The following TTC27 variants were observed in gnomAD, a reference collection of about 807,000 sequenced individuals.
The protein encoded by TTC27 is tetratricopeptide repeat protein 27.
TTC27 carries 79 observed loss-of-function variants against 115.9 expected under a neutral mutation model. That is an observed-to-expected ratio of 0.68 (90% confidence interval 0.57 to 0.82). TTC27 has a LOEUF of 0.82. Ranked by LOEUF, TTC27 falls within the 40% of genes least tolerant of loss-of-function variation. TTC27 has a pLI of 0.00. For missense variants in TTC27, 1,054 were observed against 993.1 expected (o/e 1.06, Z -0.82); for synonymous variants, 401 against 356.0 (o/e 1.13, Z -1.42).
In TTC27 at chr2:32,704,777, C is replaced by G. The variant is rs183116871; in HGVS notation, c.1233+1857C>G. 797 of 443,866 alleles carry G rather than the reference C, an allele frequency of 1.8e-3. 9 individuals are homozygous for G. The Admixed American group carries it at 0.02, about 11-fold the overall frequency. The allele number at this position is 443,866 out of a possible 1,614,324, so 27.5% of individuals were successfully genotyped here. ...AGACTGCCCTTCAGTTTGAGTTTGT[C>G]TGATGTTTCCTCATGATTTGATTCA... On this transcript the variant is annotated intron_variant, in intron 10 of 19. Transcript: ENST00000317907.
rs773955652 is a variant in TTC27, at chr2:32,812,572, A to G, written c.2265A>G (p.Thr755=). The change falls in exon 18 of 20, where the codon ACA becomes ACG. Residue 755 remains threonine (T), a synonymous_variant. Transcript: ENST00000317907. ...TQSNCWEKDI[T]SFKEVVQRAL... ...CCAATTGTTGGGAGAAAGATATTACATCATTTAAGGAAGTTGTTCAAAGAG... is the reference window on the plus strand; with the variant it reads ...CCAATTGTTGGGAGAAAGATATTACGTCATTTAAGGAAGTTGTTCAAAGAG... 1.2e-6 allele frequency: 2 copies of G among 1,614,136 alleles called. No homozygotes were observed. Among genetic ancestry groups the G allele is most frequent in the Non-Finnish European group, 1.7e-6 (2 of 1,179,972 alleles).
At chr2:32,812,370 T>C (rs936676170) in intron 17 of TTC27, 134 bp from the exon 18 acceptor site, 13 of 614,066 alleles carry the variant, frequency 2.1e-5, no homozygotes, top group Non-Finnish European at 3.7e-5. Context: ...TTGGTGAGAG[T>C]AATAGACGCT....
chr2:32,711,555 A>G (rs1285551057), intron 10 of TTC27, among the ~76,000 whole-genome samples: 1 of 152,252 alleles, frequency 6.6e-6, no homozygotes, highest in East Asian at 1.9e-4. Context: ...GTATATATTA[A>G]GACAGTGTTG....
At chr2:32,766,947 G>A (rs893139721) in intron 13 of TTC27, among the ~76,000 whole-genome samples, 3 of 151,976 alleles carry the variant, frequency 2.0e-5, no homozygotes, top group African/African-American at 4.8e-5. Context: ...CACCACGACC[G>A]GCTAATTTTT....
At chr2:32,670,107 A>T (rs1156732581) in intron 7 of TTC27, among the ~76,000 whole-genome samples, 2 of 151,668 alleles carry the variant, frequency 1.3e-5, no homozygotes, top group Non-Finnish European at 2.9e-5. Context: ...CGAACTTCTG[A>T]CGTCGGGTGA....
intron 16 of TTC27, among the ~76,000 whole-genome samples, chr2:32,809,423 T>C (rs1378112654): frequency 6.6e-6 from 1 of 152,232 alleles, no homozygotes; most frequent in Non-Finnish European, 1.5e-5. Context: ...CAGCTGTCTC[T>C]TGGAGCCTTG....
intron 3 of TTC27, among the ~76,000 whole-genome samples, chr2:32,639,287 C>G (rs1376380525): frequency 1.3e-5 from 2 of 152,202 alleles, no homozygotes; most frequent in Non-Finnish European, 2.9e-5. Flanking sequence ...GGTGAAGATT[C>G]TTGCTCGCTA....
chr2:32,740,829 A>G (rs1668608896), intron 12 of TTC27, among the ~76,000 whole-genome samples: 2 of 151,760 alleles, frequency 1.3e-5, no homozygotes, highest in South Asian at 4.2e-4. Context: ...TGATTTTTGT[A>G]TTTTTAGTAG....
rs138079093 is a variant in TTC27, at chr2:32,633,025, A to G, written c.267-851A>G. ...ATAGAGTTTTCACTAAAATATCTAT[A>G]TGTTTTGTTGTTGTTGTTGTTCTAG... On this transcript the variant is annotated intron_variant, in intron 2 of 19. Coordinates refer to ENST00000317907, the MANE Select transcript of TTC27 (RefSeq NM_017735.5). Among the ~76,000 whole-genome samples, 60 of 152,340 alleles carry G rather than the reference A, an allele frequency of 3.9e-4. 1 individual carries two copies. In the East Asian group the frequency reaches 0.011, roughly 28 times the overall value.
chr2:32,704,484 G>A (rs1053513737), intron 10 of TTC27, among the ~76,000 whole-genome samples: 1 of 151,984 alleles, frequency 6.6e-6, no homozygotes, highest in Non-Finnish European at 1.5e-5. Context: ...TGCTGTGCCC[G>A]GCCAAAAATT....
intron 9 of TTC27, among the ~76,000 whole-genome samples, chr2:32,689,829 T>A (rs752201422): frequency 1.3e-5 from 2 of 152,186 alleles, no homozygotes; most frequent in Non-Finnish European, 2.9e-5. Context: ...TAGAATAGCA[T>A]AGGTAATTGA....
intron 9 of TTC27, among the ~76,000 whole-genome samples, chr2:32,679,611 T>C (rs891311781): frequency 3.9e-5 from 6 of 152,202 alleles, no homozygotes; most frequent in African/African-American, 1.2e-4. Context: ...ATTATCTTAG[T>C]TGGGAATCCA....
chr2:32,770,272 G>GA, intron 13 of TTC27, among the ~76,000 whole-genome samples: 1 of 152,166 alleles, frequency 6.6e-6, no homozygotes, highest in African/African-American at 2.4e-5. Context: ...TGCAGTCACT[G>GA]AGTTACTTAT....
At chr2:32,661,902 G>A (rs2151877419) in intron 5 of TTC27, among the ~76,000 whole-genome samples, 1 of 152,198 alleles carries the variant, frequency 6.6e-6, no homozygotes, top group Middle Eastern at 3.4e-3. Flanking sequence ...TTGGCTGTGG[G>A]TTTGTCATAA....
intron 9 of TTC27, among the ~76,000 whole-genome samples, chr2:32,680,174 T>C (rs550049569): frequency 8.2e-4 from 125 of 152,326 alleles, no homozygotes; most frequent in Middle Eastern, 3.4e-3. Context: ...GTGTGTATCA[T>C]CATATTATGT....
intron 16 of TTC27, among the ~76,000 whole-genome samples, chr2:32,810,580 A>T (rs528057002): frequency 5.3e-5 from 8 of 152,302 alleles, no homozygotes; most frequent in African/African-American, 1.9e-4. Context: ...CTTTGGATAG[A>T]TGGAGAGGGA....
chr2:32,714,252 G>A (rs540746868), intron 10 of TTC27, among the ~76,000 whole-genome samples: 3 of 144,404 alleles, frequency 2.1e-5, no homozygotes, highest in African/African-American at 7.6e-5. Context: ...TCCACCTCCC[G>A]GGTTCACACC....
chr2:32,796,036 T>C (rs531377472), intron 16 of TTC27, among the ~76,000 whole-genome samples: 14 of 152,180 alleles, frequency 9.2e-5, no homozygotes, highest in Non-Finnish European at 1.9e-4. Context: ...TTGCAGATGA[T>C]GTGATCTTGT....
At chr2:32,642,097 T>A (rs1664672513) in intron 4 of TTC27, among the ~76,000 whole-genome samples, 1 of 152,120 alleles carries the variant, frequency 6.6e-6, no homozygotes, top group African/African-American at 2.4e-5. Flanking sequence ...CCTTAGGTGA[T>A]CTGCCTACCT....
Sources: allele counts gnomAD v4.1 joint callset (sites outside exome capture counted in the v4.1 genomes callset), GRCh38; gene constraint gnomAD v4.1.1; transcripts MANE v1.5; gene names NCBI Gene and HGNC (gene_info 2026-07-23, HGNC 2026-07-21).